The following PLCB1 variants were observed in gnomAD, a reference collection of about 807,000 sequenced individuals.
The protein encoded by PLCB1 is 1-phosphatidylinositol 4,5-bisphosphate phosphodiesterase beta-1.
PLCB1 carries 46 observed loss-of-function variants against 161.8 expected under a neutral mutation model. The observed-to-expected ratio is 0.28, with a 90% CI of 0.22 to 0.36. The LOEUF (loss-of-function observed/expected upper bound fraction) is 0.36, where lower values mean the gene tolerates loss of function less well. PLCB1 is among the 10% of genes least tolerant of loss of function. The pLI is 1.00. For synonymous variants in PLCB1, 517 were observed against 503.7 expected (o/e 1.03, Z -0.35); for missense variants, 1,016 against 1,472.5 (o/e 0.69, Z 5.07).
intron 3 of PLCB1, among the ~76,000 whole-genome samples, chr20:8,503,946 C>T (rs927114773): frequency 1.2e-4 from 19 of 152,166 alleles, no homozygotes; most frequent in Non-Finnish European, 2.2e-4. Flanking sequence ...ATATGGCTCC[C>T]ATTATCAATA....
intron 9 of PLCB1, among the ~76,000 whole-genome samples, chr20:8,677,718 A>G (rs1990120443): frequency 1.3e-5 from 2 of 152,166 alleles, no homozygotes; most frequent in Non-Finnish European, 2.9e-5. Context: ...ACAGTGGAGC[A>G]AATTTTTCCC....
intron 2 of PLCB1, among the ~76,000 whole-genome samples, chr20:8,156,762 T>C (rs1675128151): frequency 6.6e-6 from 1 of 152,174 alleles, no homozygotes; most frequent in Non-Finnish European, 1.5e-5. Flanking sequence ...ATAAGGTGGG[T>C]ATTACTCTCT....
chr20:8,328,009 G>C (rs1985225187), intron 2 of PLCB1, among the ~76,000 whole-genome samples: 1 of 152,054 alleles, frequency 6.6e-6, no homozygotes, highest in Non-Finnish European at 1.5e-5. Context: ...AATGCAGGTT[G>C]AGTATTCTTT....
chr20:8,551,168 A>G (rs1985762821), intron 3 of PLCB1, among the ~76,000 whole-genome samples: 1 of 152,166 alleles, frequency 6.6e-6, no homozygotes, highest in Non-Finnish European at 1.5e-5. Context: ...GGATAACTGA[A>G]GGATAGGAAT....
At chr20:8,492,329 A>T (rs1389669289) in intron 3 of PLCB1, among the ~76,000 whole-genome samples, 1 of 152,074 alleles carries the variant, frequency 6.6e-6, no homozygotes, top group African/African-American at 2.4e-5. Flanking sequence ...TGAGTCACTC[A>T]CTTTTATGTA....
intron 2 of PLCB1, among the ~76,000 whole-genome samples, chr20:8,279,520 A>G (rs1442125537): frequency 6.6e-6 from 1 of 152,218 alleles, no homozygotes; most frequent in African/African-American, 2.4e-5. Flanking sequence ...AATGTTTTGG[A>G]AATAGTGGTA....
intron 3 of PLCB1, among the ~76,000 whole-genome samples, chr20:8,551,499 C>T (rs556710054): frequency 6.6e-6 from 1 of 152,240 alleles, no homozygotes; most frequent in African/African-American, 2.4e-5. Flanking sequence ...TGACCTTTAC[C>T]GTCCTGTGCG....
intron 2 of PLCB1, among the ~76,000 whole-genome samples, chr20:8,320,076 G>A (rs372594516): frequency 1.3e-5 from 2 of 152,068 alleles, no homozygotes; most frequent in Non-Finnish European, 2.9e-5. Context: ...TGTGAGGTCC[G>A]GGGGCATGGC....
intron 2 of PLCB1, among the ~76,000 whole-genome samples, chr20:8,259,524 G>A (rs894792407): frequency 2.0e-5 from 3 of 152,096 alleles, no homozygotes; most frequent in African/African-American, 7.2e-5. Context: ...GCTGAGGTGG[G>A]AGGATCGCTT....
intron 21 of PLCB1, 140 bp from the exon 22 acceptor site, chr20:8,740,204 A>G (rs1212877557): frequency 1.2e-5 from 7 of 583,026 alleles, no homozygotes; most frequent in Middle Eastern, 3.6e-4. Context: ...ATCATTCATA[A>G]ATGTTATTAA....
At chr20:8,876,366 G>T (rs1398041834) in intron 31 of PLCB1, among the ~76,000 whole-genome samples, 3 of 152,134 alleles carry the variant, frequency 2.0e-5, no homozygotes, top group Admixed American at 2.0e-4. Flanking sequence ...TGCTAGAAAG[G>T]CTCCAAGGCA....
At chr20:8,548,281 CT>C (rs1263921041) in intron 3 of PLCB1, among the ~76,000 whole-genome samples, 5 of 122,626 alleles carry the variant, frequency 4.1e-5, no homozygotes, top group African/African-American at 1.6e-4. Context: ...TTCATTTTTT[CT>C]TTCTTTCTTT....
chr20:8,140,293 A>G (rs2051389575), intron 1 of PLCB1, among the ~76,000 whole-genome samples: 1 of 152,208 alleles, frequency 6.6e-6, no homozygotes, highest in Non-Finnish European at 1.5e-5. Flanking sequence ...CTTACTTTAT[A>G]TTAAGTCCCT....
intron 3 of PLCB1, among the ~76,000 whole-genome samples, chr20:8,496,025 A>G (rs1002553147): frequency 6.6e-6 from 1 of 152,214 alleles, no homozygotes; most frequent in African/African-American, 2.4e-5. Context: ...ATGAGCCATA[A>G]CAGAGCATAG....
chr20:8,727,801 T>G (rs929107180), intron 17 of PLCB1, among the ~76,000 whole-genome samples: 7 of 152,112 alleles, frequency 4.6e-5, no homozygotes, highest in African/African-American at 1.7e-4. Flanking sequence ...TATACCTGAC[T>G]TGGCATCTCA....
chr20:8,870,010 T>C (rs945397550), intron 31 of PLCB1, among the ~76,000 whole-genome samples: 4 of 152,214 alleles, frequency 2.6e-5, no homozygotes, highest in African/African-American at 7.2e-5. Flanking sequence ...TTTAAGCCTC[T>C]GCATAGGCCA....
chr20:8,446,214 T>A (rs1488225655), intron 3 of PLCB1, among the ~76,000 whole-genome samples: 3 of 152,262 alleles, frequency 2.0e-5, no homozygotes, highest in African/African-American at 7.2e-5. Context: ...TACACCATGA[T>A]CAAGTGGGCT....
rs190026992 is a variant in PLCB1 at position 8,840,600 on chromosome 20, A to G, written c.3424-41022A>G. On this transcript the variant is annotated intron_variant, in intron 31 of 31. Transcript: ENST00000338037. ...CCCTCTTTTAAAGTTCCAGACTTTCATAACTTCACTTTGGCCTGCATGCTT... is the reference window on the plus strand; with the variant it reads ...CCCTCTTTTAAAGTTCCAGACTTTCGTAACTTCACTTTGGCCTGCATGCTT... 2.0e-3 allele frequency among the ~76,000 whole-genome samples: 299 copies of G among 152,316 alleles called. 1 individual carries two copies. The highest frequency in any genetic ancestry group is 6.8e-3 in the African/African-American group (283 of 41,570).
chr20:8,691,570 C>A (rs1165975289), intron 10 of PLCB1, among the ~76,000 whole-genome samples: 3 of 152,030 alleles, frequency 2.0e-5, no homozygotes, highest in Admixed American at 6.5e-5. Context: ...TTTCTTGGAG[C>A]ATTTTAAGGA....
Sources: gnomAD v4.1 joint callset for allele counts (sites outside exome capture counted in the v4.1 genomes callset) on GRCh38, gnomAD v4.1.1 for gene constraint, MANE v1.5 for transcripts, NCBI Gene and HGNC (gene_info 2026-07-23, HGNC 2026-07-21) for gene names.